DNAH14: variants seen among roughly 807,000 people sequenced by gnomAD.
DNAH14 encodes the protein axonemal beta dynein heavy chain 14.
Under a neutral mutation model 520.9 loss-of-function variants are expected in DNAH14, and 478 were observed. That is an observed-to-expected ratio of 0.92 (90% CI 0.85 to 0.99). The LOEUF (loss-of-function observed/expected upper bound fraction) is 0.99. DNAH14 is among the 50% of genes least tolerant of loss of function. The pLI, the probability that DNAH14 is intolerant of heterozygous loss-of-function variation, is 0.00. For synonymous variants in DNAH14, 1,581 were observed against 1,757.2 expected (o/e 0.90, Z 2.51); for missense variants, 4,831 against 5,234.5 (o/e 0.92, Z 2.38).
intron 27 of DNAH14, among the ~76,000 whole-genome samples, chr1:225,127,210 G>A (rs1311091295): frequency 2.0e-5 from 3 of 149,996 alleles, no homozygotes; most frequent in African/African-American, 4.9e-5. Context: ...GAGTTCTGTA[G>A]ATGTCTATTA....
At chr1:225,027,077 A>G (rs1047781543) in intron 11 of DNAH14, among the ~76,000 whole-genome samples, 4 of 152,114 alleles carry the variant, frequency 2.6e-5, no homozygotes, top group African/African-American at 9.7e-5. Context: ...ATATTGAAAT[A>G]CAAATGATTT....
chr1:225,387,966 A>G (rs2150810656), intron 81 of DNAH14, among the ~76,000 whole-genome samples: 1 of 152,246 alleles, frequency 6.6e-6, no homozygotes, highest in South Asian at 2.1e-4. Context: ...TGGGCTCAGA[A>G]CTGGAAGGCA....
At chr1:225,184,721 A>C (rs1483806563) in intron 36 of DNAH14, among the ~76,000 whole-genome samples, 1 of 152,052 alleles carries the variant, frequency 6.6e-6, no homozygotes, top group East Asian at 1.9e-4. Flanking sequence ...AGTCTCAACA[A>C]ACTAGGCATC....
chr1:225,174,203 T>C (rs1381275908), intron 36 of DNAH14, among the ~76,000 whole-genome samples: 1 of 152,118 alleles, frequency 6.6e-6, no homozygotes, highest in Middle Eastern at 3.2e-3. Context: ...ATGGCACATG[T>C]ATACTTTTTT....
intron 22 of DNAH14, 41 bp downstream of exon 22, chr1:225,097,280 A>C (rs1276594647): frequency 2.0e-6 from 3 of 1,474,378 alleles, no homozygotes; most frequent in Non-Finnish European, 2.7e-6. Context: ...TTCAAAATGC[A>C]TTGTGAGTAA....
intron 62 of DNAH14, among the ~76,000 whole-genome samples, chr1:225,323,584 C>T (rs1574769545): frequency 6.6e-6 from 1 of 151,276 alleles, no homozygotes; most frequent in Admixed American, 6.6e-5. Context: ...CTGCCTCAGC[C>T]TCCCGAGTAG....
intron 66 of DNAH14, among the ~76,000 whole-genome samples, chr1:225,335,142 CAT>C (rs1377606048): frequency 4.4e-4 from 54 of 123,266 alleles, no homozygotes; most frequent in African/African-American, 1.6e-3. Context: ...TGCATGTGCA[CAT>C]GTGTACATGT....
At position 225,152,060 on chromosome 1, in the gene DNAH14, A is replaced by G; in HGVS notation, c.4996A>G (p.Thr1666Ala). The G allele has an allele frequency of 1.3e-6, 2 of 1,550,160 alleles. No individual in the cohort carries two copies. Among genetic ancestry groups the G allele is most frequent in the Non-Finnish European group, 1.7e-6 (2 of 1,146,540 alleles). ...RINMSCAVFITMNPRYGGGVE... is the reference protein window; with the variant it reads ...RINMSCAVFIAMNPRYGGGVE... ...CAATATGTCTTGTGCGGTATTTATC[A>G]CCATGAATCCCAGGTAAGTATCAGT... Residue 1666 changes from threonine (T) to alanine (A), a missense_variant, in exon 32 of 86, where the codon ACC (threonine) becomes GCC (alanine). Thr to Ala is a moderately conservative substitution (Grantham distance 58). Coordinates refer to ENST00000682510, the MANE Select transcript of DNAH14 (RefSeq NM_001367479.1).
Position 225,214,680 on chromosome 1 carries a change from C to A in DNAH14, c.6439+7460C>A, listed in dbSNP as rs539856074. Reference sequence around the variant, plus strand: ...AATTTATTCATTTCTTCTAGATTTTCTAGTTTATTTGCATAGAGGTGTTTA... The same window carrying A: ...AATTTATTCATTTCTTCTAGATTTTATAGTTTATTTGCATAGAGGTGTTTA... On this transcript the variant is annotated intron_variant, in intron 41 of 85. Coordinates refer to ENST00000682510, the MANE Select transcript of DNAH14 (RefSeq NM_001367479.1). Among the ~76,000 whole-genome samples the A allele has an allele frequency of 7.0e-4, 106 of 152,210 alleles. 1 individual carries two copies. Among genetic ancestry groups the A allele is most frequent in the African/African-American group, 2.4e-3 (98 of 41,536 alleles).
intron 34 of DNAH14, among the ~76,000 whole-genome samples, chr1:225,155,177 T>C (rs1049161472): frequency 2.6e-5 from 4 of 152,082 alleles, no homozygotes; most frequent in Non-Finnish European, 5.9e-5. Context: ...CCTTTCTGGG[T>C]AGAAAGGAAC....
intron 8 of DNAH14, among the ~76,000 whole-genome samples, chr1:224,983,301 A>T (rs1572234589): frequency 6.6e-6 from 1 of 152,258 alleles, no homozygotes; most frequent in Non-Finnish European, 1.5e-5. Context: ...TTTGCGTGAA[A>T]TGCCTTTTTC....
chr1:225,051,844 A>G (rs1292605128), intron 17 of DNAH14, 49 bp downstream of exon 17: 2 of 1,280,344 alleles, frequency 1.6e-6, no homozygotes, highest in East Asian at 5.2e-5. Context: ...CAGATTAGTA[A>G]ATTTTAAATT....
rs974437012 is a variant in DNAH14, at chr1:225,318,594, T to A, written c.9252T>A (p.Asn3084Lys). Reference protein sequence around the residue: ...IVEDYAQKTANELKSVLPAFD... With the variant: ...IVEDYAQKTAKELKSVLPAFD... ...TATTTTTATTGCAGAAAACTGCCAA[T>A]GAACTAAAAAGTGTGCTGCCAGCCT... is the stretch of plus-strand genomic sequence containing the variant. The change falls in exon 61 of 86, where the codon AAT becomes AAA. Residue 3084 changes from asparagine to lysine, a missense_variant. Coordinates refer to ENST00000682510, the MANE Select transcript of DNAH14 (RefSeq NM_001367479.1). 1.3e-6 allele frequency: 2 copies of A among 1,545,138 alleles called. No individual in the cohort carries two copies. Among genetic ancestry groups the A allele is most frequent in the Non-Finnish European group, 1.7e-6 (2 of 1,143,938 alleles).
At chr1:224,986,528 A>G (rs1027015252) in intron 8 of DNAH14, among the ~76,000 whole-genome samples, 2 of 147,060 alleles carry the variant, frequency 1.4e-5, no homozygotes, top group Non-Finnish European at 2.9e-5. Context: ...ATTGATATGC[A>G]AAGCAATCAA....
chr1:225,094,818 CAAAAAA>C (rs140729760), intron 21 of DNAH14, among the ~76,000 whole-genome samples: 13 of 91,204 alleles, frequency 1.4e-4, no homozygotes, highest in African/African-American at 3.3e-4. Context: ...CATTTACAGG[CAAAAAA>C]AAAAAAAAAA....
chr1:225,364,461 T>C (rs1356835450), intron 75 of DNAH14, among the ~76,000 whole-genome samples: 1 of 152,204 alleles, frequency 6.6e-6, no homozygotes, highest in Non-Finnish European at 1.5e-5. Context: ...TATAATTGTT[T>C]ACCGTCATCA....
chr1:225,051,702 A>G lies in DNAH14; in HGVS notation c.2331A>G (p.Gln777=), dbSNP rs949743303. The change falls in exon 17 of 86, where the codon CAA becomes CAG. Residue 777 remains glutamine (Q), a synonymous_variant. Coordinates refer to ENST00000682510, the MANE Select transcript of DNAH14 (RefSeq NM_001367479.1). ...GIFNVVSLDY[Q]SECLLYIDNV... ...TCAACGTTGTAAGTCTTGATTATCAATCAGAATGCTTACTGTATATTGACA... is the reference window on the plus strand; with the variant it reads ...TCAACGTTGTAAGTCTTGATTATCAGTCAGAATGCTTACTGTATATTGACA... 9.7e-6 allele frequency: 15 copies of G among 1,551,202 alleles called. No homozygotes were observed. The highest frequency in any genetic ancestry group is 1.7e-4 in the Middle Eastern group (1 of 5,998).
chr1:224,957,519 A>T (rs1572047539), intron 3 of DNAH14, among the ~76,000 whole-genome samples: 1 of 151,460 alleles, frequency 6.6e-6, no homozygotes. Flanking sequence ...AAACAGGGCC[A>T]AGGAACAGTA....
At chr1:225,177,137 G>T (rs1445540032) in intron 36 of DNAH14, among the ~76,000 whole-genome samples, 2 of 152,194 alleles carry the variant, frequency 1.3e-5, no homozygotes, top group African/African-American at 4.8e-5. Context: ...TGAGGAACTT[G>T]TTGGGAACTG....
Sources: allele counts gnomAD v4.1 joint callset (sites outside exome capture counted in the v4.1 genomes callset), GRCh38; gene constraint gnomAD v4.1.1; transcripts MANE v1.5; gene names NCBI Gene and HGNC (gene_info 2026-07-23, HGNC 2026-07-21).